The following SELENOF variants were observed in gnomAD, a reference collection of about 807,000 sequenced individuals.
SELENOF encodes the protein selenoprotein F.
A neutral mutation model predicts 20.5 loss-of-function variants in SELENOF; 16 were observed. The observed-to-expected ratio is 0.78, with a 90% confidence interval of 0.53 to 1.19. The LOEUF is 1.19. Among genes scored for constraint, SELENOF ranks in the 50% most tolerant of loss-of-function variants. SELENOF has a pLI of 0.00. For missense variants in SELENOF, 215 were observed against 194.2 expected, an observed-to-expected ratio of 1.11 and a Z score of -0.64; for synonymous variants, 78 against 74.5, an observed-to-expected ratio of 1.05 and a Z score of -0.24.
Position 86,877,856 on chromosome 1 carries a change from T to C in SELENOF, c.316+2806A>G, listed in dbSNP as rs570882663. ...CTATAATAGCAGAGTTCGATAGTTATGACAGAGCCCATGGTGCCTATAAAG... is the reference window on the plus strand; with the variant it reads ...CTATAATAGCAGAGTTCGATAGTTACGACAGAGCCCATGGTGCCTATAAAG... On this transcript the variant is annotated intron_variant, in intron 3 of 4. Transcript: ENST00000331835. Among the ~76,000 whole-genome samples, 22 of 152,310 alleles carry C rather than the reference T, an allele frequency of 1.4e-4. 1 individual carries two copies. The highest frequency in any genetic ancestry group is 4.1e-4 in the South Asian group (2 of 4,828).
intron 4 of SELENOF, 100 bp from the exon 5 acceptor site, chr1:86,863,705 T>TA (rs1557450557): frequency 6.7e-6 from 7 of 1,046,232 alleles, no homozygotes; most frequent in Non-Finnish European, 9.3e-6. Flanking sequence ...ATTTAGTAAT[T>TA]AAAAAAAGGC....
intron 1 of SELENOF, among the ~76,000 whole-genome samples, chr1:86,906,460 A>T (rs1659828284): frequency 6.6e-6 from 1 of 152,182 alleles, no homozygotes; most frequent in African/African-American, 2.4e-5. Context: ...CCTCCCCTTG[A>T]ATCTGGGCAC....
At chr1:86,897,030 G>A (rs1659542558) in intron 2 of SELENOF, among the ~76,000 whole-genome samples, 1 of 152,188 alleles carries the variant, frequency 6.6e-6, no homozygotes, top group Non-Finnish European at 1.5e-5. Context: ...AGCAGGCCGG[G>A]CACGGTGGCT....
chr1:86,877,766 A>T (rs1009544038), intron 3 of SELENOF, among the ~76,000 whole-genome samples: 1 of 152,152 alleles, frequency 6.6e-6, no homozygotes, highest in African/African-American at 2.4e-5. Context: ...TGCTTTTTTT[A>T]ATAAAGTTCT....
chr1:86,902,275 A>C (rs1659722334), intron 2 of SELENOF, among the ~76,000 whole-genome samples: 1 of 152,216 alleles, frequency 6.6e-6, no homozygotes, highest in Admixed American at 6.5e-5. Context: ...AGTGAAAAAC[A>C]TGTAAGGCTT....
chr1:86,877,018 T>C (rs114374406), intron 3 of SELENOF, among the ~76,000 whole-genome samples: 252 of 152,328 alleles, frequency 1.7e-3, no homozygotes, highest in African/African-American at 5.8e-3. Context: ...TATATGAGTA[T>C]ATAAATGTTT....
chr1:86,905,137 C>T (rs1659797585), intron 1 of SELENOF, among the ~76,000 whole-genome samples: 1 of 151,846 alleles, frequency 6.6e-6, no homozygotes, highest in Admixed American at 6.6e-5. Flanking sequence ...GCTAGTTGCC[C>T]AGATCAGTCA....
At chr1:86,914,221 G>C (rs1476685527), upstream of SELENOF, 5 of 887,522 alleles carry the variant, frequency 5.6e-6, no homozygotes, top group South Asian at 1.3e-5. Flanking sequence ...TCTCTCATTT[G>C]GAAGTGACAG....
chr1:86,868,091 T>G lies in SELENOF; in HGVS notation c.328A>C (p.Ser110Arg). The G allele has an allele frequency of 4.0e-6, 6 of 1,515,332 alleles. No individual in the cohort carries two copies. The highest frequency in any genetic ancestry group is 5.4e-6 in the Non-Finnish European group (6 of 1,114,474). 93.9% of individuals were successfully genotyped at this position (1,515,332 alleles called of 1,614,324 possible). The change falls in exon 4 of 5, where the codon AGT becomes CGT. Residue 110 changes from serine (S) to arginine (R), a missense_variant. Ser to Arg is a moderately radical substitution (Grantham distance 110). Coordinates refer to ENST00000331835, the MANE Select transcript of SELENOF (RefSeq NM_004261.5). ...RFPQVQAFVR[S>R]DKPKLFRGLQ... is the part of the protein sequence containing the mutation. ...CCTCTGAACAGTTTGGGTTTATCAC[T>G]CCTAACAAAAGCTTATAAAAAAAGA...
At chr1:86,912,046 T>A (rs1052792844) in intron 1 of SELENOF, among the ~76,000 whole-genome samples, 23 of 152,142 alleles carry the variant, frequency 1.5e-4, no homozygotes, top group African/African-American at 5.6e-4. Context: ...TGCACTGGAA[T>A]GAGCCACCAC....
chr1:86,907,087 T>C (rs1659848372), intron 1 of SELENOF, among the ~76,000 whole-genome samples: 1 of 152,214 alleles, frequency 6.6e-6, no homozygotes, highest in South Asian at 2.1e-4. Flanking sequence ...CATCATGTAT[T>C]TCAAAGTCTT....
rs76347507 is a variant in SELENOF at position 86,909,496 on chromosome 1, A to G, written c.84+4532T>C. Among the ~76,000 whole-genome samples the G allele has an allele frequency of 1.9e-4, 29 of 152,324 alleles. No homozygotes were observed. In the East Asian group the frequency reaches 4.8e-3, roughly 25 times the overall value. ...TTTGATGGCATGGAGCAACAACACA[A>G]ATGAACTGGGGCCATTTACGCTTCA... On this transcript the variant is annotated intron_variant, in intron 1 of 4. Transcript: ENST00000331835.
chr1:86,887,113 A>G (rs1169634687), intron 2 of SELENOF: 1 of 1,479,946 alleles, frequency 6.8e-7, no homozygotes, highest in East Asian at 2.7e-5. Flanking sequence ...TTCATCTTCA[A>G]GTCTTCCCCA....
intron 1 of SELENOF, 125 bp downstream of exon 1, chr1:86,913,903 C>T (rs1660059747): frequency 1.2e-6 from 1 of 864,222 alleles, no homozygotes. Flanking sequence ...GCATTCTGGC[C>T]GCAGCAGTCA....
chr1:86,866,568 T>C (rs1438946326), intron 4 of SELENOF, among the ~76,000 whole-genome samples: 3 of 152,134 alleles, frequency 2.0e-5, no homozygotes, highest in Admixed American at 2.0e-4. Context: ...AAATACTTAA[T>C]ACTGGACTGT....
chr1:86,882,868 G>T (rs1158847913), intron 2 of SELENOF, among the ~76,000 whole-genome samples: 2 of 152,232 alleles, frequency 1.3e-5, no homozygotes, highest in East Asian at 3.8e-4. Context: ...GCTCACGCCT[G>T]TAATTCCAGC....
At chr1:86,879,589 A>AT (rs1659010024) in intron 3 of SELENOF, among the ~76,000 whole-genome samples, 1 of 152,240 alleles carries the variant, frequency 6.6e-6, no homozygotes, top group Non-Finnish European at 1.5e-5. Context: ...CATTAACTAA[A>AT]TAAGGCAAGA....
At chr1:86,875,049 C>A (rs1297287307) in intron 3 of SELENOF, among the ~76,000 whole-genome samples, 1 of 152,118 alleles carries the variant, frequency 6.6e-6, no homozygotes, top group Non-Finnish European at 1.5e-5. Context: ...GCATGGCCAA[C>A]ATGGTGAAAC....
chr1:86,905,865 C>CACAT (rs1381389434), intron 1 of SELENOF, among the ~76,000 whole-genome samples: 4 of 138,420 alleles, frequency 2.9e-5, no homozygotes, highest in Non-Finnish European at 4.6e-5. Context: ...TCACAGATAA[C>CACAT]ACATGAATGA....
Sources: gnomAD v4.1 joint callset for allele counts (sites outside exome capture counted in the v4.1 genomes callset) on GRCh38, gnomAD v4.1.1 for gene constraint, MANE v1.5 for transcripts, NCBI Gene and HGNC (gene_info 2026-07-23, HGNC 2026-07-21) for gene names.